CRIM1: variants seen among roughly 807,000 people sequenced by gnomAD.
CRIM1 encodes cysteine rich transmembrane BMP regulator 1.
Under a neutral mutation model 116.4 loss-of-function variants are expected in CRIM1, and 32 were observed. The observed-to-expected ratio is 0.27, with a 90% CI of 0.21 to 0.37. The LOEUF (loss-of-function observed/expected upper bound fraction) is 0.37, where lower values mean the gene tolerates loss of function less well. CRIM1 is among the 10% of genes least tolerant of loss of function. The pLI is 1.00. For missense variants in CRIM1, 1,331 were observed against 1,354.8 expected, an observed-to-expected ratio of 0.98 and a Z score of 0.28; for synonymous variants, 590 against 509.2, an observed-to-expected ratio of 1.16 and a Z score of -2.13.
In CRIM1 at chr2:36,500,103, G is replaced by A. The variant is rs571099712; in HGVS notation, c.1501+756G>A. Among the ~76,000 whole-genome samples, 217 of 152,282 alleles carry A rather than the reference G, an allele frequency of 1.4e-3. 1 individual carries two copies. The highest frequency in any genetic ancestry group is 5.1e-3 in the African/African-American group (214 of 41,564). Reference sequence around the variant, plus strand: ...GCACTCTGGGAGGCTAAGGCAGGCAGATCACTGGAGCTCAGGAGTTCAAGA... The same window carrying A: ...GCACTCTGGGAGGCTAAGGCAGGCAAATCACTGGAGCTCAGGAGTTCAAGA... On this transcript the variant is annotated intron_variant, in intron 8 of 16. Transcript: ENST00000280527.
At chr2:36,429,018 C>G (rs969030448) in intron 2 of CRIM1, among the ~76,000 whole-genome samples, 1 of 152,158 alleles carries the variant, frequency 6.6e-6, no homozygotes, top group African/African-American at 2.4e-5. Flanking sequence ...TTGCGCCTTC[C>G]CCTTCTACTT....
At chr2:36,395,657 C>G (rs1315154061) in intron 1 of CRIM1, among the ~76,000 whole-genome samples, 2 of 152,162 alleles carry the variant, frequency 1.3e-5, no homozygotes. Context: ...TTGTGACCTG[C>G]TCCATTCCAT....
intron 7 of CRIM1, 58 bp downstream of exon 7, chr2:36,479,752 T>G: frequency 2.4e-5 from 36 of 1,471,644 alleles, no homozygotes; most frequent in Middle Eastern, 1.7e-4. Flanking sequence ...GAGAAGCTTC[T>G]ACCAGCGTAC....
At chr2:36,546,337 A>T (rs146876237) in intron 15 of CRIM1, among the ~76,000 whole-genome samples, 1 of 152,340 alleles carries the variant, frequency 6.6e-6, no homozygotes, top group African/African-American at 2.4e-5. Context: ...GTCATCATTC[A>T]TAAGTGCAAA....
chr2:36,531,437 C>A (rs189336994), intron 13 of CRIM1, among the ~76,000 whole-genome samples: 2 of 151,148 alleles, frequency 1.3e-5, no homozygotes, highest in African/African-American at 4.9e-5. Flanking sequence ...CATGTATATC[C>A]TACATCATGG....
intron 13 of CRIM1, among the ~76,000 whole-genome samples, chr2:36,526,368 T>G (rs1394090765): frequency 6.6e-6 from 1 of 152,216 alleles, no homozygotes. Context: ...ATGTGGTTCC[T>G]TGTAAACAGC....
rs893977844 is a variant in CRIM1, at chr2:36,544,246, G to A, written c.2624-130G>A. On this transcript the variant is annotated intron_variant, in intron 14 of 16. Coordinates refer to ENST00000280527, the MANE Select transcript of CRIM1 (RefSeq NM_016441.3). Reference sequence around the variant, plus strand: ...AGCATGAGTGATGAATGATGTAAATGGCAGAAACTGCATCTTTCATGTCCC... The same window carrying A: ...AGCATGAGTGATGAATGATGTAAATAGCAGAAACTGCATCTTTCATGTCCC... 6.9e-6 allele frequency: 5 copies of A among 723,026 alleles called. No homozygotes were observed. In the African/African-American group the frequency reaches 9.2e-5, roughly 13 times the overall value. The allele number at this position is 723,026 out of a possible 1,614,324, so 44.8% of individuals were successfully genotyped here. A position where few individuals can be genotyped will look rare whatever the true frequency, so the allele number is the denominator to read the frequency against.
chr2:36,451,541 C>G (rs2124969840), intron 4 of CRIM1, among the ~76,000 whole-genome samples: 1 of 152,332 alleles, frequency 6.6e-6, no homozygotes, highest in African/African-American at 2.4e-5. Context: ...TCTTATTCCT[C>G]TGTTCTGGAA....
chr2:36,512,778 A>G (rs1664779262), intron 10 of CRIM1, among the ~76,000 whole-genome samples: 1 of 152,228 alleles, frequency 6.6e-6, no homozygotes, highest in Non-Finnish European at 1.5e-5. Context: ...GGGTGGGTAT[A>G]GCTCAGAAGT....
intron 1 of CRIM1, among the ~76,000 whole-genome samples, chr2:36,381,569 A>G (rs974128326): frequency 6.6e-6 from 1 of 152,222 alleles, no homozygotes; most frequent in Non-Finnish European, 1.5e-5. Flanking sequence ...GACTGTGTGG[A>G]CTAGACACAC....
chr2:36,503,877 A>T (rs1235628493), intron 8 of CRIM1, among the ~76,000 whole-genome samples: 1 of 151,712 alleles, frequency 6.6e-6, no homozygotes, highest in African/African-American at 2.4e-5. Context: ...ATTAGCTTCT[A>T]GATTTTTTTT....
intron 15 of CRIM1, 79 bp from the exon 16 acceptor site, chr2:36,546,905 C>A: frequency 1.3e-6 from 1 of 798,110 alleles, no homozygotes; most frequent in Non-Finnish European, 2.0e-6. Context: ...AGTTGCTGAT[C>A]TCTATTTGCA....
intron 2 of CRIM1, among the ~76,000 whole-genome samples, chr2:36,407,425 T>C (rs1264703450): frequency 6.6e-6 from 1 of 152,192 alleles, no homozygotes; most frequent in South Asian, 2.1e-4. Context: ...TATTTAAAAA[T>C]TTTTTGTTAC....
chr2:36,448,939 A>G (rs1427954298), intron 4 of CRIM1, among the ~76,000 whole-genome samples: 4 of 151,972 alleles, frequency 2.6e-5, no homozygotes, highest in African/African-American at 4.8e-5. Context: ...TCCAGAACCT[A>G]TATCTGGAAC....
intron 2 of CRIM1, among the ~76,000 whole-genome samples, chr2:36,437,047 C>G (rs529631968): frequency 1.3e-5 from 2 of 152,184 alleles, no homozygotes; most frequent in South Asian, 4.2e-4. Flanking sequence ...TGTTATAAGA[C>G]AACCAAATAG....
intron 4 of CRIM1, among the ~76,000 whole-genome samples, chr2:36,453,710 G>T (rs1248950892): frequency 6.6e-6 from 1 of 152,224 alleles, no homozygotes; most frequent in Non-Finnish European, 1.5e-5. Flanking sequence ...AGGCAAATAT[G>T]TATAAGTCAT....
chr2:36,454,159 G>T (rs1333381328), intron 4 of CRIM1, among the ~76,000 whole-genome samples: 1 of 152,162 alleles, frequency 6.6e-6, no homozygotes, highest in African/African-American at 2.4e-5. Context: ...ACTCCTGCCA[G>T]TACCCCCATA....
At chr2:36,393,503 C>CAT (rs1433365311) in intron 1 of CRIM1, among the ~76,000 whole-genome samples, 2 of 151,912 alleles carry the variant, frequency 1.3e-5, no homozygotes, top group African/African-American at 2.4e-5. Flanking sequence ...ATGTATAATA[C>CAT]ATATATATAC....
chr2:36,439,944 C>T (rs546867780), intron 2 of CRIM1, among the ~76,000 whole-genome samples: 29 of 152,166 alleles, frequency 1.9e-4, no homozygotes, highest in Middle Eastern at 3.2e-3. Context: ...GCAACAGGTG[C>T]TCAGTCAATG....
Sources: allele counts gnomAD v4.1 joint callset (sites outside exome capture counted in the v4.1 genomes callset), GRCh38; gene constraint gnomAD v4.1.1; transcripts MANE v1.5; gene names NCBI Gene and HGNC (gene_info 2026-07-23, HGNC 2026-07-21).